SEC24B: variants seen among roughly 807,000 people sequenced by gnomAD.
The protein encoded by SEC24B is SEC24 homolog B, COPII component.
A neutral mutation model predicts 142.8 loss-of-function variants in SEC24B; 45 were observed. The ratio of observed to expected loss-of-function variants is 0.32; its 90% CI spans 0.25 to 0.40. SEC24B has a LOEUF of 0.40. SEC24B is among the 10% of genes least tolerant of loss of function. The pLI is 1.00. For synonymous variants in SEC24B, 574 were observed against 568.2 expected (o/e 1.01, Z -0.15); for missense variants, 1,409 against 1,526.8 (o/e 0.92, Z 1.29).
intron 6 of SEC24B, among the ~76,000 whole-genome samples, chr4:109,499,466 T>C (rs1470005991): frequency 6.6e-6 from 1 of 151,918 alleles, no homozygotes. Context: ...AGCAAGAACC[T>C]GTGACAAAAG....
intron 2 of SEC24B, among the ~76,000 whole-genome samples, chr4:109,469,964 T>C (rs1578826619): frequency 6.6e-6 from 1 of 152,178 alleles, no homozygotes; most frequent in Admixed American, 6.5e-5. Context: ...AGAAAAATAC[T>C]TGAATAGGCA....
chr4:109,487,942 A>G (rs1734556692), intron 4 of SEC24B, among the ~76,000 whole-genome samples: 1 of 152,232 alleles, frequency 6.6e-6, no homozygotes, highest in East Asian at 1.9e-4. Flanking sequence ...TTGACATGAA[A>G]GAAACTAAAC....
chr4:109,513,685 G>A, intron 9 of SEC24B, 62 bp from the exon 10 acceptor site: 2 of 841,714 alleles, frequency 2.4e-6, no homozygotes, highest in East Asian at 4.9e-5. Flanking sequence ...ATTTTTAGGT[G>A]TGTATATATG....
At chr4:109,517,230 A>G (rs1164823371) in intron 11 of SEC24B, among the ~76,000 whole-genome samples, 2 of 152,250 alleles carry the variant, frequency 1.3e-5, no homozygotes, top group Admixed American at 6.5e-5. Flanking sequence ...CAGACTAAGT[A>G]TCCATCAACA....
chr4:109,513,529 G>A (rs577731705), intron 9 of SEC24B, among the ~76,000 whole-genome samples: 5 of 152,202 alleles, frequency 3.3e-5, no homozygotes, highest in East Asian at 3.9e-4. Flanking sequence ...TGATCCGCCC[G>A]CCGCGGCCGC....
rs1019359284 is a variant in SEC24B, at chr4:109,534,460, G to A, written c.3588+775G>A. Among the ~76,000 whole-genome samples the A allele has an allele frequency of 1.5e-4, 23 of 152,018 alleles. No homozygotes were observed. In the East Asian group the frequency reaches 3.7e-3, roughly 24 times the overall value. ...AAATTAGCCGAGCATGGTGGCGGGC[G>A]CCTGTAGTCCCAGCTACTCTGGAGG... On this transcript the variant is annotated intron_variant, in intron 22 of 23. Transcript: ENST00000265175.
chr4:109,453,316 T>G lies in SEC24B; in HGVS notation c.134-9585T>G, dbSNP rs535799689. ...TTCAAGAGCAGAGAACCAGTCTGAC[T>G]AGAATTCACCAGGCTGGAATTTCCT... On this transcript the variant is annotated intron_variant, in intron 1 of 23. Coordinates refer to ENST00000265175, the MANE Select transcript of SEC24B (RefSeq NM_006323.5). Among the ~76,000 whole-genome samples, 4 of 152,010 alleles carry G rather than the reference T, an allele frequency of 2.6e-5. No individual in the cohort carries two copies. In the East Asian group the frequency reaches 5.8e-4, roughly 22 times the overall value.
intron 1 of SEC24B, among the ~76,000 whole-genome samples, chr4:109,445,620 G>A (rs1235157473): frequency 6.6e-6 from 1 of 150,988 alleles, no homozygotes; most frequent in African/African-American, 2.4e-5. Context: ...CCAGGCTGGA[G>A]TGCAGTGGTG....
At chr4:109,490,095 A>T (rs1578881387) in intron 4 of SEC24B, among the ~76,000 whole-genome samples, 1 of 152,242 alleles carries the variant, frequency 6.6e-6, no homozygotes, top group East Asian at 1.9e-4. Flanking sequence ...ATAAAAAACC[A>T]CACATAGGAC....
chr4:109,503,699 T>C (rs1192259801), intron 6 of SEC24B, among the ~76,000 whole-genome samples: 1 of 152,220 alleles, frequency 6.6e-6, no homozygotes, highest in Non-Finnish European at 1.5e-5. Flanking sequence ...CCTTTGTTTG[T>C]ATCCTTTAAA....
In SEC24B at chr4:109,442,754, CTCTT is replaced by C. The variant is rs1439322603; in HGVS notation, c.133+8753_133+8756del. Among the ~76,000 whole-genome samples the C allele has an allele frequency of 2.0e-5, 3 of 152,028 alleles. No individual in the cohort carries two copies. In the East Asian group the frequency reaches 5.8e-4, roughly 29 times the overall value. On this transcript the variant is annotated intron_variant, in intron 1 of 23. Transcript: ENST00000265175. ...ATTAGAGATGTGGTTTTTGTTTTCT[CTCTT>C]CATTTTTTTCTTTTTAAACAATAAT...
intron 18 of SEC24B, 34 bp from the exon 19 acceptor site, chr4:109,530,251 TAATG>T (rs762981329): frequency 6.3e-5 from 99 of 1,565,012 alleles, no homozygotes; most frequent in Admixed American, 8.9e-5. Flanking sequence ...CATTGGATTC[TAATG>T]GTTAAAATAC....
intron 1 of SEC24B, among the ~76,000 whole-genome samples, chr4:109,434,231 G>A (rs1261892506): frequency 3.8e-4 from 57 of 151,894 alleles, no homozygotes; most frequent in Admixed American, 3.7e-3. Flanking sequence ...CTGGCGTGGG[G>A]GCGGGGGCCG....
intron 7 of SEC24B, among the ~76,000 whole-genome samples, chr4:109,509,449 G>A (rs755504533): frequency 4.6e-5 from 7 of 152,072 alleles, no homozygotes; most frequent in East Asian, 3.9e-4. Flanking sequence ...CGAGGCAGGC[G>A]GATGGATCAC....
chr4:109,535,645 G>C (rs898040245), intron 22 of SEC24B, among the ~76,000 whole-genome samples: 38 of 151,336 alleles, frequency 2.5e-4, no homozygotes, highest in African/African-American at 9.0e-4. Context: ...TCAGGAGATC[G>C]AGACCATCCT....
chr4:109,451,462 A>G (rs1433319556), intron 1 of SEC24B, among the ~76,000 whole-genome samples: 2 of 151,812 alleles, frequency 1.3e-5, no homozygotes, highest in African/African-American at 4.8e-5. Context: ...CCAAAGTGCC[A>G]ATACTATTGA....
intron 3 of SEC24B, among the ~76,000 whole-genome samples, chr4:109,480,199 A>G (rs1001183246): frequency 9.9e-5 from 15 of 151,914 alleles, no homozygotes; most frequent in African/African-American, 3.6e-4. Flanking sequence ...CTAAACTAAA[A>G]TTTTATTCTT....
At chr4:109,485,925 A>G (rs906504550) in intron 4 of SEC24B, among the ~76,000 whole-genome samples, 7 of 152,242 alleles carry the variant, frequency 4.6e-5, no homozygotes, top group African/African-American at 1.7e-4. Flanking sequence ...AAAATCAACC[A>G]GCAGGGTGGA....
At chr4:109,535,276 G>A (rs1725391339) in intron 22 of SEC24B, among the ~76,000 whole-genome samples, 4 of 152,064 alleles carry the variant, frequency 2.6e-5, no homozygotes, top group African/African-American at 7.2e-5. Context: ...TTGCTGGGCC[G>A]GACGCTGTGG....
Sources: gnomAD v4.1 joint callset for allele counts (sites outside exome capture counted in the v4.1 genomes callset) on GRCh38, gnomAD v4.1.1 for gene constraint, MANE v1.5 for transcripts, NCBI Gene and HGNC (gene_info 2026-07-23, HGNC 2026-07-21) for gene names.